CSMD1: variants seen among roughly 807,000 people sequenced by gnomAD.
CSMD1 encodes the protein CUB and Sushi multiple domains 1, also known as CUB and sushi domain-containing protein 1.
CSMD1 carries 213 observed loss-of-function variants against 417.5 expected under a neutral mutation model. That is an observed-to-expected ratio of 0.51 (90% CI 0.46 to 0.57). The LOEUF is 0.57. CSMD1 is among the 20% of genes least tolerant of loss of function. The probability of loss-of-function intolerance (pLI) is 0.00; values close to 1 mark genes in which losing one functional copy is unlikely to be tolerated. For synonymous variants in CSMD1, 2,862 were observed against 1,736.8 expected, an observed-to-expected ratio of 1.65 and a Z score of -16.11; for missense variants, 6,923 against 4,529.7, an observed-to-expected ratio of 1.53 and a Z score of -15.17.
At chr8:3,055,375 C>G (rs985386498) in intron 49 of CSMD1, among the ~76,000 whole-genome samples, 3 of 152,106 alleles carry the variant, frequency 2.0e-5, no homozygotes, top group African/African-American at 7.2e-5. Context: ...AGCGTCTTAA[C>G]AAAAGGCTAT....
intron 3 of CSMD1, among the ~76,000 whole-genome samples, chr8:4,040,507 T>C (rs577172715): frequency 6.6e-6 from 1 of 152,172 alleles, no homozygotes; most frequent in Non-Finnish European, 1.5e-5. Flanking sequence ...CTCTTTCATA[T>C]GAAAATGTGG....
chr8:3,051,494 C>A (rs563605749), intron 50 of CSMD1, among the ~76,000 whole-genome samples: 1 of 152,266 alleles, frequency 6.6e-6, no homozygotes, highest in East Asian at 1.9e-4. Context: ...CTCTTGGGTA[C>A]TATGGTTATT....
At chr8:4,203,183 G>C (rs893334682) in intron 3 of CSMD1, among the ~76,000 whole-genome samples, 7 of 152,228 alleles carry the variant, frequency 4.6e-5, no homozygotes, top group South Asian at 4.1e-4. Context: ...TTAAAAAATC[G>C]TCAGTGAGAT....
chr8:3,354,875 A>ATATCTCTAGATATGTCTATCTATAGATC, intron 21 of CSMD1, among the ~76,000 whole-genome samples: 1 of 71,544 alleles, frequency 1.4e-5, no homozygotes, highest in African/African-American at 7.1e-5. Flanking sequence ...AGATATACAT[A>ATATCTCTAGATATGTCTATCTATAGATC]TATCTATAGA....
intron 31 of CSMD1, among the ~76,000 whole-genome samples, chr8:3,202,249 G>A (rs1478583455): frequency 6.6e-6 from 1 of 152,106 alleles, no homozygotes; most frequent in East Asian, 1.9e-4. Context: ...AATAAGCAAA[G>A]GATCAAACCC....
chr8:4,327,246 T>A (rs1034983458), intron 3 of CSMD1, among the ~76,000 whole-genome samples: 1 of 152,228 alleles, frequency 6.6e-6, no homozygotes, highest in South Asian at 2.1e-4. Context: ...TAGTGTTTAA[T>A]ACAAACGTCC....
At chr8:4,900,921 T>C (rs1206637895) in intron 1 of CSMD1, among the ~76,000 whole-genome samples, 1 of 152,204 alleles carries the variant, frequency 6.6e-6, no homozygotes, top group Admixed American at 6.5e-5. Context: ...TTCTCTCCCT[T>C]GCATCCTAAG....
intron 49 of CSMD1, among the ~76,000 whole-genome samples, chr8:3,063,995 A>T (rs1163516107): frequency 6.6e-6 from 1 of 152,212 alleles, no homozygotes; most frequent in Non-Finnish European, 1.5e-5. Context: ...ATGCACGGTC[A>T]TTAGGATAAA....
chr8:4,703,562 T>G (rs1807724114), intron 1 of CSMD1, among the ~76,000 whole-genome samples: 1 of 152,192 alleles, frequency 6.6e-6, no homozygotes, highest in Non-Finnish European at 1.5e-5. Flanking sequence ...AGATATACAG[T>G]ATAATTATGA....
At chr8:4,767,917 A>T (rs1193937003) in intron 1 of CSMD1, among the ~76,000 whole-genome samples, 5 of 152,154 alleles carry the variant, frequency 3.3e-5, no homozygotes, top group Non-Finnish European at 7.4e-5. Context: ...TGAATTAATA[A>T]AACAAATGGA....
intron 6 of CSMD1, among the ~76,000 whole-genome samples, chr8:3,725,362 C>A (rs2720807): frequency 6.6e-6 from 1 of 152,074 alleles, no homozygotes; most frequent in Admixed American, 6.5e-5. Flanking sequence ...GAAACAATGA[C>A]AAAGAACCTG....
chr8:4,572,860 T>A (rs1798953374), intron 2 of CSMD1, among the ~76,000 whole-genome samples: 1 of 152,224 alleles, frequency 6.6e-6, no homozygotes, highest in Non-Finnish European at 1.5e-5. Context: ...CTTTATTTCA[T>A]TAAGTTGATC....
intron 2 of CSMD1, among the ~76,000 whole-genome samples, chr8:4,462,424 T>C (rs543556970): frequency 1.3e-5 from 2 of 152,224 alleles, no homozygotes; most frequent in East Asian, 1.9e-4. Flanking sequence ...ACTCCCCAAA[T>C]TGATTAGCAA....
intron 3 of CSMD1, among the ~76,000 whole-genome samples, chr8:4,286,632 A>G (rs1294989863): frequency 6.6e-6 from 1 of 152,138 alleles, no homozygotes; most frequent in Non-Finnish European, 1.5e-5. Context: ...ACCTCGAAGA[A>G]AGGTTTATCC....
intron 1 of CSMD1, among the ~76,000 whole-genome samples, chr8:4,963,381 G>T (rs1024757163): frequency 6.6e-6 from 1 of 151,924 alleles, no homozygotes; most frequent in East Asian, 1.9e-4. Flanking sequence ...TGTATTTTTA[G>T]TAGAGACGAG....
At position 3,396,325 on chromosome 8, in the gene CSMD1, G is replaced by A. The variant is rs778158799; in HGVS notation, c.2462C>T (p.Ser821Leu). The change falls in exon 17 of 70, where the codon TCG becomes TTG. Residue 821 changes from serine to leucine, a missense_variant. By Grantham distance (145) the Ser-to-Leu change is moderately radical. Transcript: ENST00000635120. The stretch of plus-strand genomic sequence containing the variant: ...GTGGTACTCGCCGATCAGTGGGGAC[G>A]AACTGGCTGGCCCATCTCTGACCTC... ...TLEVRDGPAS[S>L]SPLIGEYHGT... The A allele has an allele frequency of 4.1e-5, 66 of 1,607,708 alleles. No individual in the cohort carries two copies. Among genetic ancestry groups the A allele is most frequent in the South Asian group, 5.6e-5 (5 of 89,416 alleles).
At chr8:4,182,226 T>A (rs186667274) in intron 3 of CSMD1, among the ~76,000 whole-genome samples, 23 of 152,142 alleles carry the variant, frequency 1.5e-4, no homozygotes, top group Non-Finnish European at 2.8e-4. Context: ...TTTAAACTTA[T>A]GATACATAAG....
chr8:3,458,347 G>C (rs796081873), intron 12 of CSMD1, among the ~76,000 whole-genome samples: 19 of 152,248 alleles, frequency 1.2e-4, no homozygotes, highest in African/African-American at 4.6e-4. Context: ...ACATTATTAA[G>C]AGGAATCTGT....
chr8:4,665,881 T>G (rs1003833046), intron 1 of CSMD1, among the ~76,000 whole-genome samples: 27 of 152,318 alleles, frequency 1.8e-4, no homozygotes, highest in African/African-American at 6.3e-4. Flanking sequence ...TAGGAAGACC[T>G]TGCAGGATTG....
Sources: gnomAD v4.1 joint callset for allele counts (sites outside exome capture counted in the v4.1 genomes callset) on GRCh38, gnomAD v4.1.1 for gene constraint, MANE v1.5 for transcripts, NCBI Gene and HGNC (gene_info 2026-07-23, HGNC 2026-07-21) for gene names.